Variants in STPG4 observed in about 807,000 individuals in gnomAD.
STPG4 encodes the protein sperm-tail PG-rich repeat containing 4.
Under a neutral mutation model 31.5 loss-of-function variants are expected in STPG4, and 41 were observed. The observed-to-expected ratio is 1.30, with a 90% confidence interval of 1.01 to 1.69. STPG4 has a LOEUF of 1.69. Among genes scored for constraint, STPG4 ranks in the 40% most tolerant of loss-of-function variants. STPG4 has a pLI of 0.00. For missense variants in STPG4, 375 were observed against 293.4 expected (o/e 1.28, Z -2.03); for synonymous variants, 141 against 103.0 (o/e 1.37, Z -2.24).
chr2:47,123,456 G>A (rs1049833280), intron 5 of STPG4, among the ~76,000 whole-genome samples: 2 of 152,022 alleles, frequency 1.3e-5, no homozygotes, highest in African/African-American at 4.8e-5. Flanking sequence ...CTAGTGAGGG[G>A]GAAAGATAAA....
At chr2:47,137,182 T>C (rs1297838287) in intron 3 of STPG4, among the ~76,000 whole-genome samples, 2 of 152,228 alleles carry the variant, frequency 1.3e-5, no homozygotes, top group African/African-American at 4.8e-5. Context: ...TACTGAGAAT[T>C]ATTTTCATAA....
intron 5 of STPG4, among the ~76,000 whole-genome samples, chr2:47,115,949 C>T (rs114647848): frequency 4.5e-4 from 69 of 152,260 alleles, no homozygotes; most frequent in African/African-American, 1.4e-3. Context: ...CCACCAGGCC[C>T]GACCTAAAGG....
chr2:47,122,209 T>G (rs1343008028), intron 5 of STPG4, among the ~76,000 whole-genome samples: 1 of 152,220 alleles, frequency 6.6e-6, no homozygotes, highest in South Asian at 2.1e-4. Flanking sequence ...TATAGATTGT[T>G]ATGATAATTT....
At chr2:47,100,660 C>A (rs1465682600) in intron 5 of STPG4, among the ~76,000 whole-genome samples, 2 of 151,752 alleles carry the variant, frequency 1.3e-5, no homozygotes, top group African/African-American at 4.9e-5. Flanking sequence ...GTCCACACTG[C>A]TTTTATGAGC....
chr2:47,120,656 G>A (rs79662117), intron 5 of STPG4, among the ~76,000 whole-genome samples: 1 of 152,052 alleles, frequency 6.6e-6, no homozygotes, highest in Non-Finnish European at 1.5e-5. Flanking sequence ...GTGGGGGTCC[G>A]GGTTTCAGTC....
At chr2:47,154,529 G>C (rs1216145924) in intron 1 of STPG4, among the ~76,000 whole-genome samples, 1 of 152,200 alleles carries the variant, frequency 6.6e-6, no homozygotes, top group Non-Finnish European at 1.5e-5. Flanking sequence ...TAAGGGGAAA[G>C]ATAAAAGATT....
chr2:47,099,614 G>A (rs558158549), intron 5 of STPG4, among the ~76,000 whole-genome samples: 219 of 152,392 alleles, frequency 1.4e-3, no homozygotes, highest in Non-Finnish European at 2.3e-3. Context: ...TCCTCTGCCT[G>A]GGCTCCCACT....
chr2:47,130,334 TC>T lies in STPG4; in HGVS notation c.400-75del, dbSNP rs1412545057. 5.4e-4 allele frequency: 652 copies of T among 1,198,012 alleles called. 5 individuals carry two copies. Among genetic ancestry groups the T allele is most frequent in the Non-Finnish European group, 1.5e-5 (12 of 810,552 alleles). The allele number at this position is 1,198,012 out of a possible 1,614,324, so 74.2% of individuals were successfully genotyped here. Reference sequence around the variant, plus strand: ...TCACTTCGTTATCTGTCATTCGTAATCTTTTATTTTATGACCATACAACATT... The same window carrying T: ...TCACTTCGTTATCTGTCATTCGTAATTTTTATTTTATGACCATACAACATT... On this transcript the variant is annotated intron_variant, in intron 3 of 6. Transcript: ENST00000445927.
At chr2:47,118,634 C>T (rs532785322) in intron 5 of STPG4, among the ~76,000 whole-genome samples, 1 of 152,104 alleles carries the variant, frequency 6.6e-6, no homozygotes, top group South Asian at 2.1e-4. Context: ...AGCTCAAAGC[C>T]CAGCTTTTGA....
chr2:47,133,417 A>T (rs1451008560), intron 3 of STPG4, among the ~76,000 whole-genome samples: 1 of 151,884 alleles, frequency 6.6e-6, no homozygotes, highest in Non-Finnish European at 1.5e-5. Flanking sequence ...TCCTCCCACC[A>T]CAGCTTCCCT....
chr2:47,087,694 A>G (rs1261235270), intron 6 of STPG4, among the ~76,000 whole-genome samples: 1 of 152,198 alleles, frequency 6.6e-6, no homozygotes, highest in Non-Finnish European at 1.5e-5. Context: ...CACGAGTTCT[A>G]ATTTTTAAAA....
chr2:47,123,771 T>C (rs983488751), intron 5 of STPG4, among the ~76,000 whole-genome samples: 4 of 152,148 alleles, frequency 2.6e-5, no homozygotes, highest in African/African-American at 7.2e-5. Context: ...AATCTTACTA[T>C]AGCAAAAGGA....
chr2:47,133,173 C>CA (rs1686522361), intron 3 of STPG4, among the ~76,000 whole-genome samples: 1 of 144,774 alleles, frequency 6.9e-6, no homozygotes, highest in African/African-American at 2.5e-5. Flanking sequence ...CTTCTCAGTT[C>CA]TTTTTTTTTT....
chr2:47,148,045 G>T (rs537980269), intron 3 of STPG4, among the ~76,000 whole-genome samples: 6 of 151,082 alleles, frequency 4.0e-5, no homozygotes, highest in African/African-American at 1.5e-4. Context: ...TCTACCTCCC[G>T]GGTTCAAGCA....
intron 6 of STPG4, among the ~76,000 whole-genome samples, chr2:47,088,276 C>T (rs1471016364): frequency 1.3e-5 from 2 of 152,180 alleles, no homozygotes; most frequent in African/African-American, 4.8e-5. Flanking sequence ...CAAAGCTTCT[C>T]TTCTGCAGTG....
At chr2:47,127,252 CTTTTTTTTTTTTTTTTTTTTT>C (rs57475505) in intron 5 of STPG4, among the ~76,000 whole-genome samples, 11 of 57,456 alleles carry the variant, frequency 1.9e-4, no homozygotes, top group Non-Finnish European at 1.1e-4. Flanking sequence ...CAAGCTAATT[CTTTTTTTTTTTTTTTTTTTTT>C]TTTTTTTTTT....
intron 5 of STPG4, among the ~76,000 whole-genome samples, chr2:47,116,147 G>C (rs1046719044): frequency 6.6e-5 from 10 of 152,174 alleles, no homozygotes; most frequent in African/African-American, 2.4e-4. Context: ...AGGGGCCTAT[G>C]TCCAGTGGCT....
intron 5 of STPG4, among the ~76,000 whole-genome samples, chr2:47,095,441 T>C (rs189747728): frequency 1.1e-4 from 17 of 152,242 alleles, no homozygotes; most frequent in Non-Finnish European, 2.1e-4. Flanking sequence ...CATGAACAGA[T>C]TGTCCCTCAC....
intron 5 of STPG4, among the ~76,000 whole-genome samples, chr2:47,097,948 T>C (rs1321638244): frequency 3.7e-5 from 5 of 133,972 alleles, no homozygotes; most frequent in Non-Finnish European, 6.2e-5. Context: ...TGAAACCCCA[T>C]CTCTTAAAAA....
Sources: allele counts gnomAD v4.1 joint callset (sites outside exome capture counted in the v4.1 genomes callset), GRCh38; gene constraint gnomAD v4.1.1; transcripts MANE v1.5; gene names NCBI Gene and HGNC (gene_info 2026-07-23, HGNC 2026-07-21).